The following VAMP7 variants were observed in gnomAD, a reference collection of about 807,000 sequenced individuals.
The protein encoded by VAMP7 is vesicle-associated membrane protein 7.
In VAMP7, 14 loss-of-function variants were observed where a neutral mutation model predicts 29.6. The ratio of observed to expected loss-of-function variants is 0.47; its 90% CI spans 0.31 to 0.74. The LOEUF is 0.74. VAMP7 is among the 30% of genes least tolerant of loss of function. The pLI is 0.05. For synonymous variants in VAMP7, 95 were observed against 88.1 expected (o/e 1.08, Z -0.44); for missense variants, 223 against 262.4 (o/e 0.85, Z 1.04).
At chrX:155,900,218 A>G (rs1259985918) in intron 4 of VAMP7, among the ~76,000 whole-genome samples, 1 of 151,950 alleles carries the variant, frequency 6.6e-6, no homozygotes, top group Non-Finnish European at 1.5e-5. Flanking sequence ...CTGCCCCACA[A>G]GTCACATGTA....
chrX:155,913,412 A>T lies in VAMP7; in HGVS notation c.434-6401A>T, dbSNP rs188472761. Among the ~76,000 whole-genome samples the T allele has an allele frequency of 2.6e-5, 4 of 152,150 alleles. No homozygotes were observed. In the East Asian group the frequency reaches 7.7e-4, roughly 29 times the overall value. On this transcript the variant is annotated intron_variant, in intron 5 of 7. Coordinates refer to ENST00000286448, the MANE Select transcript of VAMP7 (RefSeq NM_005638.6). ...TTTGTCAATTTTGGCTTTTGTTGCC[A>T]TTGCTTTTGGTGTTTTAGTCATGAA...
chrX:155,898,066 CT>C, intron 3 of VAMP7, 45 bp from the exon 4 acceptor site: 2 of 1,596,422 alleles, frequency 1.3e-6, no homozygotes, highest in Non-Finnish European at 1.7e-6. Flanking sequence ...CTCACATCAT[CT>C]TTGTTTACTT....
At chrX:155,886,218 G>A (rs957581428) in intron 1 of VAMP7, among the ~76,000 whole-genome samples, 1 of 152,112 alleles carries the variant, frequency 6.6e-6, no homozygotes. Context: ...CTAACTTCAA[G>A]TGCAGTGTTC....
At chrX:155,912,719 C>A in intron 5 of VAMP7, among the ~76,000 whole-genome samples, 1 of 152,236 alleles carries the variant, frequency 6.6e-6, no homozygotes, top group Non-Finnish European at 1.5e-5. Flanking sequence ...CATAGTATTC[C>A]ATCGTGTATA....
chrX:155,897,589 A>G (rs898247236), intron 3 of VAMP7, among the ~76,000 whole-genome samples: 4 of 152,150 alleles, frequency 2.6e-5, no homozygotes, highest in Non-Finnish European at 5.9e-5. Context: ...CCTCTAAGGT[A>G]TTCTTACAGA....
At chrX:155,931,850 T>C (rs1569450338) in intron 6 of VAMP7, among the ~76,000 whole-genome samples, 1 of 152,202 alleles carries the variant, frequency 6.6e-6, no homozygotes, top group African/African-American at 2.4e-5. Flanking sequence ...GGTCTAACAT[T>C]TAAGTCTTTA....
chrX:155,897,981 G>T lies in VAMP7; in HGVS notation c.205-131G>T, dbSNP rs185862671. 5.5e-4 allele frequency: 641 copies of T among 1,158,694 alleles called. 5 individuals carry two copies. In the African/African-American group the frequency reaches 8.9e-3, roughly 16 times the overall value. The allele number at this position is 1,158,694 out of a possible 1,614,324, so 71.8% of individuals were successfully genotyped here. On this transcript the variant is annotated intron_variant, in intron 3 of 7. Transcript: ENST00000286448. ...CCTTCCTTTACTTATCTTTAAGATA[G>T]GATCAATGCTAGTTCCTCCTCAGAT...
At chrX:155,927,383 GAAAC>G (rs2066483929) in intron 6 of VAMP7, among the ~76,000 whole-genome samples, 1 of 109,560 alleles carries the variant, frequency 9.1e-6, no homozygotes, top group South Asian at 3.0e-4. Context: ...ATAATAAAAA[GAAAC>G]AAAAAGTGCA....
chrX:155,889,456 A>G lies in VAMP7; in HGVS notation c.-9-2A>G. The G allele has an allele frequency of 6.2e-7, 1 of 1,610,874 alleles. No homozygotes were observed. Among genetic ancestry groups the G allele is most frequent in the Non-Finnish European group, 8.5e-7 (1 of 1,178,840 alleles). On this transcript the variant is annotated splice_acceptor_variant, in intron 1 of 7. Transcript: ENST00000286448. LOFTEE classifies it low-confidence loss of function (5UTR_SPLICE). ...AAATCTGTGTCTTTTTCCTTTTGAT[A>G]GACTGAAGCCATGGCGATTCTTTTT...
At chrX:155,891,224 T>A (rs2065922040) in intron 2 of VAMP7, among the ~76,000 whole-genome samples, 2 of 152,228 alleles carry the variant, frequency 1.3e-5, no homozygotes, top group Admixed American at 6.5e-5. Context: ...CAACTAAAAC[T>A]CTGTTACTCT....
At position 155,943,027 on chromosome X, in the gene VAMP7, G is replaced by A. The variant is rs2066769771; in HGVS notation, c.*1076G>A. On this transcript the variant is annotated 3_prime_UTR_variant, in exon 8 of 8. Coordinates refer to ENST00000286448, the MANE Select transcript of VAMP7 (RefSeq NM_005638.6). ...GAATTCTTTTGTGAAACTTGAAAGAGAATAGACAGTATGACATATAGAATT... is the reference window on the plus strand; with the variant it reads ...GAATTCTTTTGTGAAACTTGAAAGAAAATAGACAGTATGACATATAGAATT... 6.6e-6 allele frequency: 1 copy of A among 151,234 alleles called. No individual in the cohort carries two copies. The highest frequency in any genetic ancestry group is 1.5e-5 in the Non-Finnish European group (1 of 67,854). 9.4% of individuals were successfully genotyped at this position (151,234 alleles called of 1,614,324 possible).
At chrX:155,930,070 G>A (rs1378826895) in intron 6 of VAMP7, among the ~76,000 whole-genome samples, 7 of 152,186 alleles carry the variant, frequency 4.6e-5, no homozygotes, top group Non-Finnish European at 1.0e-4. Flanking sequence ...CTCTTCCCAT[G>A]GAGTCAGGAC....
intron 5 of VAMP7, among the ~76,000 whole-genome samples, chrX:155,909,670 T>G (rs1305409296): frequency 6.6e-6 from 1 of 152,194 alleles, no homozygotes; most frequent in Non-Finnish European, 1.5e-5. Flanking sequence ...TTCTCACATT[T>G]CTGGAGGCTA....
intron 6 of VAMP7, among the ~76,000 whole-genome samples, chrX:155,931,429 T>G (rs2066553106): frequency 6.6e-6 from 1 of 152,196 alleles, no homozygotes; most frequent in South Asian, 2.1e-4. Context: ...GGTATCTCAT[T>G]GTGGTTTTGA....
intron 6 of VAMP7, among the ~76,000 whole-genome samples, chrX:155,932,844 T>C (rs1372031143): frequency 6.6e-6 from 1 of 151,952 alleles, no homozygotes. Context: ...GCTGTGGGTT[T>C]GTCATAGCTC....
chrX:155,912,189 A>G (rs1020268927), intron 5 of VAMP7, among the ~76,000 whole-genome samples: 7 of 152,046 alleles, frequency 4.6e-5, no homozygotes, highest in African/African-American at 1.7e-4. Context: ...AGTTTTTATC[A>G]TGAAGAGATG....
At chrX:155,881,780 ACT>A (rs1316320967) in intron 1 of VAMP7, among the ~76,000 whole-genome samples, 1 of 150,726 alleles carries the variant, frequency 6.6e-6, no homozygotes, top group East Asian at 2.0e-4. Context: ...TCTTCTAAAA[ACT>A]CTCTACGTCC....
chrX:155,898,177 C>CT lies in VAMP7; in HGVS notation c.270_271insT (p.Gly91TrpfsTer14). The CT allele has an allele frequency of 6.2e-7, 1 of 1,613,566 alleles. No homozygotes were observed. Among genetic ancestry groups the CT allele is most frequent in the Non-Finnish European group, 8.5e-7 (1 of 1,179,638 alleles). On this transcript the variant is annotated frameshift_variant, in exon 4 of 8. Transcript: ENST00000286448. LOFTEE classifies it high-confidence loss of function. ...TAAAGAAGAGGTTCCAGACTACTTA[C>CT]GGTTCAAGAGCACAGACAGCACTTC...
At chrX:155,936,297 G>A (rs956007409) in intron 6 of VAMP7, among the ~76,000 whole-genome samples, 2 of 152,208 alleles carry the variant, frequency 1.3e-5, no homozygotes, top group Admixed American at 1.3e-4. Flanking sequence ...GCCCCCAGAG[G>A]TGGAGTCTAC....
Sources: gnomAD v4.1 joint callset for allele counts (sites outside exome capture counted in the v4.1 genomes callset) on GRCh38, gnomAD v4.1.1 for gene constraint, MANE v1.5 for transcripts, NCBI Gene and HGNC (gene_info 2026-07-23, HGNC 2026-07-21) for gene names.